GULP1: variants seen among roughly 807,000 people sequenced by gnomAD.
GULP1 encodes the protein PTB domain-containing engulfment adapter protein 1.
A neutral mutation model predicts 40.9 loss-of-function variants in GULP1; 19 were observed. The ratio of observed to expected loss-of-function variants is 0.46; its 90% CI spans 0.32 to 0.68. The LOEUF (loss-of-function observed/expected upper bound fraction) is 0.68, where lower values mean the gene tolerates loss of function less well. Among genes scored for constraint, GULP1 ranks in the 30% least tolerant of loss-of-function variants. The pLI, the probability that GULP1 is intolerant of heterozygous loss-of-function variation, is 0.03. For synonymous variants in GULP1, 119 were observed against 117.6 expected (o/e 1.01, Z -0.08); for missense variants, 312 against 362.2 (o/e 0.86, Z 1.12).
intron 1 of GULP1, among the ~76,000 whole-genome samples, chr2:188,328,585 T>TC (rs1306435908): frequency 6.6e-6 from 1 of 152,176 alleles, no homozygotes; most frequent in Non-Finnish European, 1.5e-5. Context: ...AGATGTTTGC[T>TC]CTTCTGCCCT....
intron 2 of GULP1, among the ~76,000 whole-genome samples, chr2:188,430,052 A>T (rs2056685772): frequency 6.6e-6 from 1 of 152,212 alleles, no homozygotes; most frequent in South Asian, 2.1e-4. Context: ...TAATTTTTAT[A>T]ATTTTAATAA....
Position 188,570,072 on chromosome 2 carries a change from A to G in GULP1, c.561A>G (p.Val187=), listed in dbSNP as rs151074734. 1.6e-5 allele frequency: 24 copies of G among 1,471,670 alleles called. No individual in the cohort carries two copies. The highest frequency in any genetic ancestry group is 1.7e-4 in the Middle Eastern group (1 of 5,780). 91.2% of individuals were successfully genotyped at this position (1,471,670 alleles called of 1,614,324 possible). A position where few individuals can be genotyped will look rare whatever the true frequency, so the allele number is the denominator to read the frequency against. ...ETENMELKNK[V]QDLENQLRIT... ...AAAATATGGAACTTAAAAATAAAGTACAAGATTTGGAAAACCAACTGAGAA... is the reference window on the plus strand; with the variant it reads ...AAAATATGGAACTTAAAAATAAAGTGCAAGATTTGGAAAACCAACTGAGAA... Residue 187 remains valine, a synonymous_variant, in exon 9 of 12, where the codon GTA becomes GTG. Transcript: ENST00000409830.
chr2:188,483,266 G>A (rs181526744), intron 3 of GULP1, among the ~76,000 whole-genome samples, 165 bp from the exon 4 acceptor site: 15 of 151,952 alleles, frequency 9.9e-5, no homozygotes, highest in African/African-American at 2.9e-4. Context: ...CTATAATCAC[G>A]CCCCAACTAA....
At chr2:188,553,333 T>C (rs192744628) in intron 7 of GULP1, among the ~76,000 whole-genome samples, 226 of 152,106 alleles carry the variant, frequency 1.5e-3, no homozygotes, top group South Asian at 7.7e-3. Flanking sequence ...TTTTATGGTA[T>C]GTTTCTTCTG....
At chr2:188,580,552 CA>C (rs35794163) in intron 9 of GULP1, among the ~76,000 whole-genome samples, 96,804 of 121,236 alleles carry the variant, frequency 0.8, 38,499 homozygotes, top group East Asian at 0.97. Context: ...GACTCCGTCT[CA>C]AAAAAAAAAA....
chr2:188,312,206 A>C (rs549341583), intron 1 of GULP1, among the ~76,000 whole-genome samples: 34 of 152,122 alleles, frequency 2.2e-4, no homozygotes, highest in African/African-American at 7.7e-4. Context: ...CTAAAAAAAA[A>C]CCCAGATATA....
At chr2:188,387,386 G>T (rs2049926014) in intron 2 of GULP1, among the ~76,000 whole-genome samples, 1 of 152,098 alleles carries the variant, frequency 6.6e-6, no homozygotes, top group Non-Finnish European at 1.5e-5. Flanking sequence ...ATTAGCAATG[G>T]CAGTGAGGAT....
chr2:188,462,636 T>C (rs370917447), intron 2 of GULP1, among the ~76,000 whole-genome samples: 42 of 152,276 alleles, frequency 2.8e-4, no homozygotes, highest in African/African-American at 8.9e-4. Context: ...GTTATATCCT[T>C]TTGCTGAATT....
chr2:188,364,909 C>T (rs2046577846), intron 1 of GULP1, among the ~76,000 whole-genome samples: 1 of 147,384 alleles, frequency 6.8e-6, no homozygotes, highest in African/African-American at 2.5e-5. Flanking sequence ...CAAATACACA[C>T]ACACACACAT....
At chr2:188,546,734 G>C (rs1692067407) in intron 7 of GULP1, among the ~76,000 whole-genome samples, 2 of 151,802 alleles carry the variant, frequency 1.3e-5, no homozygotes, top group South Asian at 4.1e-4. Context: ...TGGTGAAGTG[G>C]AAAATACAGA....
chr2:188,385,160 C>T (rs2049524717), intron 2 of GULP1, among the ~76,000 whole-genome samples: 1 of 152,202 alleles, frequency 6.6e-6, no homozygotes, highest in Non-Finnish European at 1.5e-5. Flanking sequence ...GGACCCTACT[C>T]CTGCAGCAAA....
At chr2:188,444,004 C>G (rs1010739651) in intron 2 of GULP1, among the ~76,000 whole-genome samples, 3 of 152,034 alleles carry the variant, frequency 2.0e-5, no homozygotes, top group African/African-American at 7.2e-5. Context: ...TGAAAATCCA[C>G]TGTGGCATCC....
intron 9 of GULP1, among the ~76,000 whole-genome samples, chr2:188,572,513 A>G (rs1400583203): frequency 6.6e-6 from 1 of 152,198 alleles, no homozygotes; most frequent in Non-Finnish European, 1.5e-5. Flanking sequence ...TATGTAGAAA[A>G]TTTATTGTAT....
At chr2:188,408,212 A>G (rs1008542372) in intron 2 of GULP1, among the ~76,000 whole-genome samples, 3 of 152,158 alleles carry the variant, frequency 2.0e-5, no homozygotes, top group South Asian at 2.1e-4. Flanking sequence ...CACCATTGTC[A>G]TGATGTAGCA....
At chr2:188,501,945 C>A (rs2063472746) in intron 4 of GULP1, among the ~76,000 whole-genome samples, 1 of 151,940 alleles carries the variant, frequency 6.6e-6, no homozygotes, top group Non-Finnish European at 1.5e-5. Flanking sequence ...CAAACTTGAA[C>A]ACTTTTTGTG....
intron 1 of GULP1, among the ~76,000 whole-genome samples, chr2:188,355,302 A>G (rs796509534): frequency 2.0e-5 from 3 of 152,232 alleles, no homozygotes; most frequent in Non-Finnish European, 2.9e-5. Flanking sequence ...AAGGAAAAAA[A>G]GGAGAAAAGA....
At chr2:188,421,246 G>A (rs113977046) in intron 2 of GULP1, among the ~76,000 whole-genome samples, 1 of 152,090 alleles carries the variant, frequency 6.6e-6, no homozygotes, top group Non-Finnish European at 1.5e-5. Flanking sequence ...AATTGTGTTT[G>A]TATATCCCCA....
intron 1 of GULP1, among the ~76,000 whole-genome samples, chr2:188,368,368 G>T (rs1012287275): frequency 2.0e-5 from 3 of 152,066 alleles, no homozygotes; most frequent in Non-Finnish European, 2.9e-5. Context: ...ATCACTTGAG[G>T]TCGGGAGTTC....
At chr2:188,550,220 G>C (rs373399040) in intron 7 of GULP1, among the ~76,000 whole-genome samples, 1 of 151,472 alleles carries the variant, frequency 6.6e-6, no homozygotes, top group Non-Finnish European at 1.5e-5. Context: ...CAAACCTTTT[G>C]TCTTATTTTA....
Sources: gnomAD v4.1 joint callset for allele counts (sites outside exome capture counted in the v4.1 genomes callset) on GRCh38, gnomAD v4.1.1 for gene constraint, MANE v1.5 for transcripts, NCBI Gene and HGNC (gene_info 2026-07-23, HGNC 2026-07-21) for gene names.